PKHD1: variants seen among roughly 807,000 people sequenced by gnomAD.
PKHD1 encodes the protein fibrocystin.
PKHD1 carries 291 observed loss-of-function variants against 412.0 expected under a neutral mutation model. The observed-to-expected ratio is 0.71, with a 90% CI of 0.64 to 0.78. The LOEUF (loss-of-function observed/expected upper bound fraction) is 0.78, where lower values mean the gene tolerates loss of function less well. Among genes scored for constraint, PKHD1 ranks in the 30% least tolerant of loss-of-function variants. The pLI is 0.00. For missense variants in PKHD1, 4,825 were observed against 4,950.7 expected (o/e 0.97, Z 0.76); for synonymous variants, 1,777 against 1,821.5 (o/e 0.98, Z 0.62).
At chr6:51,803,006 T>C (rs1763180091) in intron 52 of PKHD1, among the ~76,000 whole-genome samples, 1 of 151,236 alleles carries the variant, frequency 6.6e-6, no homozygotes, top group African/African-American at 2.5e-5. Context: ...ATAATTGATG[T>C]TTAAGAGAGA....
chr6:51,727,533 G>T (rs917540028), intron 60 of PKHD1, among the ~76,000 whole-genome samples: 2 of 152,162 alleles, frequency 1.3e-5, no homozygotes, highest in African/African-American at 4.8e-5. Context: ...TTACAGGGTG[G>T]CCCCCTTCTG....
At chr6:51,639,606 A>AC (rs1340901253) in intron 63 of PKHD1, among the ~76,000 whole-genome samples, 2 of 152,102 alleles carry the variant, frequency 1.3e-5, no homozygotes, top group Non-Finnish European at 2.9e-5. Flanking sequence ...AAAAACAAAA[A>AC]AAAACCCTTG....
chr6:51,627,116 T>C lies in PKHD1; in HGVS notation c.11666A>G (p.Lys3889Arg), dbSNP rs759835152. Residue 3889 changes from lysine (K) to arginine (R), a missense_variant and splice_region_variant, in exon 66 of 67, where the codon AAA (lysine) becomes AGA (arginine). Coordinates refer to ENST00000371117, the MANE Select transcript of PKHD1 (RefSeq NM_138694.4). ...CCWLKRSKSRKTKPEEIPESQ... is the reference protein window; with the variant it reads ...CCWLKRSKSRRTKPEEIPESQ... ...TTCAGGAATCTCTTCAGGTTTTGTT[T>C]CTGTATTAATGGAGAAGAAAAAGGA... 6.2e-7 allele frequency: 1 copy of C among 1,611,644 alleles called. No individual in the cohort carries two copies. The highest frequency in any genetic ancestry group is 8.5e-7 in the Non-Finnish European group (1 of 1,177,996).
At chr6:51,972,958 A>G (rs1793891779) in intron 35 of PKHD1, among the ~76,000 whole-genome samples, 1 of 152,212 alleles carries the variant, frequency 6.6e-6, no homozygotes, top group African/African-American at 2.4e-5. Context: ...CCATGTCAGG[A>G]TCAAAACCGC....
intron 61 of PKHD1, among the ~76,000 whole-genome samples, chr6:51,658,589 A>T (rs1486256836): frequency 1.3e-5 from 2 of 152,128 alleles, no homozygotes; most frequent in Non-Finnish European, 2.9e-5. Context: ...CATCTATTTC[A>T]CTTTACCAAC....
chr6:51,977,711 G>A (rs1214681561), intron 35 of PKHD1, among the ~76,000 whole-genome samples: 1 of 152,190 alleles, frequency 6.6e-6, no homozygotes, highest in Non-Finnish European at 1.5e-5. Flanking sequence ...GAGTGGAGCT[G>A]CAAGAGAACC....
chr6:51,982,164 C>G (rs1473765498), intron 35 of PKHD1, among the ~76,000 whole-genome samples: 1 of 44,382 alleles, frequency 2.3e-5, no homozygotes, highest in Non-Finnish European at 5.0e-5. Flanking sequence ...CGCCCGGCAG[C>G]CACCCCGTCC....
chr6:51,903,109 A>G (rs1171930210), intron 43 of PKHD1, among the ~76,000 whole-genome samples: 3 of 152,236 alleles, frequency 2.0e-5, no homozygotes, highest in African/African-American at 7.2e-5. Flanking sequence ...GAAACGATCA[A>G]TATCTACTTT....
intron 53 of PKHD1, among the ~76,000 whole-genome samples, chr6:51,790,254 A>C (rs1793533638): frequency 6.6e-6 from 1 of 152,202 alleles, no homozygotes; most frequent in Admixed American, 6.5e-5. Flanking sequence ...CTAAAGTTCT[A>C]AATTAGTTCC....
intron 37 of PKHD1, among the ~76,000 whole-genome samples, chr6:51,919,980 T>A (rs1784439321): frequency 6.6e-6 from 1 of 152,266 alleles, no homozygotes; most frequent in African/African-American, 2.4e-5. Flanking sequence ...TGATTTTGTA[T>A]CCTGAGATTT....
intron 43 of PKHD1, among the ~76,000 whole-genome samples, chr6:51,897,503 C>A (rs1224712374): frequency 6.7e-6 from 1 of 148,870 alleles, no homozygotes; most frequent in African/African-American, 2.5e-5. Context: ...TAAAAGAGCT[C>A]CTGAAGGAAG....
intron 54 of PKHD1, among the ~76,000 whole-genome samples, chr6:51,774,915 AT>A (rs1172599242): frequency 6.6e-6 from 1 of 151,506 alleles, no homozygotes; most frequent in Non-Finnish European, 1.5e-5. Flanking sequence ...CTTTTAGTTA[AT>A]TTTTTTCTCA....
intron 33 of PKHD1, among the ~76,000 whole-genome samples, chr6:52,020,456 G>C (rs1039498965): frequency 6.6e-6 from 1 of 152,122 alleles, no homozygotes; most frequent in Admixed American, 6.5e-5. Context: ...AAAGAATATA[G>C]GATTTCAGAG....
At chr6:52,009,455 C>T (rs191340370) in intron 35 of PKHD1, among the ~76,000 whole-genome samples, 10 of 152,184 alleles carry the variant, frequency 6.6e-5, no homozygotes, top group African/African-American at 2.2e-4. Flanking sequence ...TCTGGTACGG[C>T]GAGTGCCACA....
At position 51,885,937 on chromosome 6, in the gene PKHD1, G is replaced by C. The variant is rs1401719634; in HGVS notation, c.7145C>G (p.Pro2382Arg). 93 of 1,612,830 alleles carry C rather than the reference G, an allele frequency of 5.8e-5. No individual in the cohort carries two copies. Among genetic ancestry groups the C allele is most frequent in the Non-Finnish European group, 7.8e-5 (92 of 1,179,068 alleles). The change falls in exon 45 of 67, where the codon CCT (proline) becomes CGT (arginine). Residue 2382 changes from proline (P) to arginine (R), a missense_variant. Coordinates refer to ENST00000371117, the MANE Select transcript of PKHD1 (RefSeq NM_138694.4). Reference sequence around the variant, plus strand: ...AGTGGTGCCAGTGACATTATCCCAAGGTGGCTGAAATTTAGGGTATACAAA... The same window carrying C: ...AGTGGTGCCAGTGACATTATCCCAACGTGGCTGAAATTTAGGGTATACAAA... ...GLFVYPKFQP[P>R]WDNVTGTTLF... is the part of the protein sequence containing the mutation.
intron 61 of PKHD1, 22 bp from the exon 62 acceptor site, chr6:51,649,242 A>G (rs763079375): frequency 6.3e-7 from 1 of 1,577,112 alleles, no homozygotes; most frequent in Non-Finnish European, 8.7e-7. Flanking sequence ...AAAAACAAAC[A>G]AAATACATCC....
intron 36 of PKHD1, among the ~76,000 whole-genome samples, chr6:51,957,558 C>T (rs895770827): frequency 5.3e-5 from 8 of 151,986 alleles, no homozygotes; most frequent in Admixed American, 5.3e-4. Flanking sequence ...TAGGTTAGTA[C>T]CAATGAAGTG....
chr6:52,024,827 G>A lies in PKHD1; in HGVS notation c.4983C>T (p.Ile1661=), dbSNP rs141853505. ...AGATGTCATCGCTCTGAGAAATAGA[G>A]ATCAATTCTGGGGTAAAGGCCTTGT... is the stretch of plus-strand genomic sequence containing the variant. The part of the protein sequence containing the change: ...GYNKAFTPEL[I]SISQSDDILT... The change falls in exon 32 of 67, where the codon ATC becomes ATT. Residue 1661 remains isoleucine (I), a synonymous_variant. Coordinates refer to ENST00000371117, the MANE Select transcript of PKHD1 (RefSeq NM_138694.4). The A allele has an allele frequency of 6.2e-7, 1 of 1,614,090 alleles. No homozygotes were observed. Among genetic ancestry groups the A allele is most frequent in the Non-Finnish European group, 8.5e-7 (1 of 1,180,044 alleles).
chr6:52,059,849 G>A (rs979551781), intron 15 of PKHD1, 79 bp downstream of exon 15: 1 of 780,472 alleles, frequency 1.3e-6, no homozygotes, highest in Non-Finnish European at 2.3e-6. Context: ...AAACATGAGA[G>A]CCTTAACTTT....
Sources: allele counts gnomAD v4.1 joint callset (sites outside exome capture counted in the v4.1 genomes callset), GRCh38; gene constraint gnomAD v4.1.1; transcripts MANE v1.5; gene names NCBI Gene and HGNC (gene_info 2026-07-23, HGNC 2026-07-21).